STAG1: variants seen among roughly 807,000 people sequenced by gnomAD.
STAG1 encodes cohesin subunit SA-1.
A neutral mutation model predicts 170.9 loss-of-function variants in STAG1; 26 were observed. The ratio of observed to expected loss-of-function variants is 0.15; its 90% CI spans 0.11 to 0.21. The LOEUF is 0.21. STAG1 is among the 10% of genes least tolerant of loss of function. The pLI is 1.00. For missense variants in STAG1, 964 were observed against 1,509.5 expected, an observed-to-expected ratio of 0.64 and a Z score of 5.99; for synonymous variants, 514 against 497.7, an observed-to-expected ratio of 1.03 and a Z score of -0.44.
At chr3:136,742,856 T>C (rs1298838767) in intron 1 of STAG1, among the ~76,000 whole-genome samples, 1 of 152,146 alleles carries the variant, frequency 6.6e-6, no homozygotes, top group African/African-American at 2.4e-5. Flanking sequence ...TAGCAGTGCT[T>C]AGAGAAAAAT....
intron 5 of STAG1, among the ~76,000 whole-genome samples, chr3:136,553,157 C>T (rs1055093762): frequency 1.3e-5 from 2 of 151,956 alleles, no homozygotes; most frequent in African/African-American, 4.8e-5. Context: ...TTATAATTTA[C>T]AGAAATGAAC....
intron 21 of STAG1, among the ~76,000 whole-genome samples, chr3:136,409,915 T>C (rs1368761861): frequency 2.0e-5 from 3 of 150,660 alleles, no homozygotes; most frequent in Non-Finnish European, 3.0e-5. Context: ...CCCATCTCTA[T>C]GAAATATTTC....
At chr3:136,620,771 T>A (rs1939807236) in intron 3 of STAG1, among the ~76,000 whole-genome samples, 1 of 152,234 alleles carries the variant, frequency 6.6e-6, no homozygotes, top group South Asian at 2.1e-4. Context: ...TCTAGAATAC[T>A]ACTTTCTTAT....
chr3:136,623,823 C>T (rs981742118), intron 2 of STAG1, among the ~76,000 whole-genome samples: 1 of 151,986 alleles, frequency 6.6e-6, no homozygotes, highest in African/African-American at 2.4e-5. Context: ...GGCATGGTGG[C>T]GCATGCCTGT....
At chr3:136,587,745 A>T (rs1424837332) in intron 4 of STAG1, among the ~76,000 whole-genome samples, 1 of 152,172 alleles carries the variant, frequency 6.6e-6, no homozygotes, top group Non-Finnish European at 1.5e-5. Context: ...ACCTGAGGTC[A>T]GGAGGTGGAG....
intron 26 of STAG1, among the ~76,000 whole-genome samples, chr3:136,360,601 T>G (rs1017909504): frequency 6.6e-6 from 1 of 152,264 alleles, no homozygotes. Context: ...TGGCCTGAAC[T>G]ACTTGCTATG....
intron 32 of STAG1, among the ~76,000 whole-genome samples, chr3:136,338,990 A>C (rs6439638): frequency 0.36 from 55,306 of 152,118 alleles, 11,119 homozygotes; most frequent in African/African-American, 0.52. Context: ...CATGATGCTG[A>C]AGTCCTAATC....
chr3:136,671,183 C>A (rs1423752493), intron 1 of STAG1, among the ~76,000 whole-genome samples: 1 of 152,036 alleles, frequency 6.6e-6, no homozygotes, highest in Non-Finnish European at 1.5e-5. Flanking sequence ...ACTCGAGAGG[C>A]TAGCACAGGA....
intron 3 of STAG1, among the ~76,000 whole-genome samples, chr3:136,613,521 C>CT (rs962359771): frequency 1.2e-4 from 18 of 152,066 alleles, no homozygotes; most frequent in Non-Finnish European, 1.9e-4. Flanking sequence ...GAGTCTTACT[C>CT]TGTCACCCAG....
intron 2 of STAG1, among the ~76,000 whole-genome samples, chr3:136,628,391 G>A (rs1940196934): frequency 6.6e-6 from 1 of 152,110 alleles, no homozygotes; most frequent in Non-Finnish European, 1.5e-5. Context: ...TGACTTAGCA[G>A]GTACTGATAT....
chr3:136,542,112 G>A lies in STAG1; in HGVS notation c.471+7C>T, dbSNP rs780856115. 4.4e-6 allele frequency: 7 copies of A among 1,598,478 alleles called. No homozygotes were observed. In the African/African-American group the frequency reaches 9.4e-5, roughly 21 times the overall value. On this transcript the variant is annotated splice_region_variant and intron_variant, in intron 6 of 33. Transcript: ENST00000383202. ...AAGCAATTTGTATGAATATTGGAAT[G>A]CTATACCTCATCAAATTCTTCAGTC...
chr3:136,648,223 A>C (rs773205546), intron 1 of STAG1, among the ~76,000 whole-genome samples: 17 of 152,240 alleles, frequency 1.1e-4, no homozygotes, highest in Non-Finnish European at 2.2e-4. Flanking sequence ...TTTCAACTAG[A>C]CCATGGTTGT....
chr3:136,501,595 C>G lies in STAG1; in HGVS notation c.828+1033G>C, dbSNP rs552567070. On this transcript the variant is annotated intron_variant, in intron 8 of 33. Coordinates refer to ENST00000383202, the MANE Select transcript of STAG1 (RefSeq NM_005862.3). Reference sequence around the variant, plus strand: ...TTCCGAGCGAGGATGGCCCTGCCAACACCTTGATCTTGGAATTCTAGCCTG... The same window carrying G: ...TTCCGAGCGAGGATGGCCCTGCCAAGACCTTGATCTTGGAATTCTAGCCTG... 5.3e-5 allele frequency among the ~76,000 whole-genome samples: 8 copies of G among 152,292 alleles called. No homozygotes were observed. The South Asian group carries it at 1.7e-3, about 32-fold the overall frequency.
chr3:136,661,444 A>C (rs1278177830), intron 1 of STAG1, among the ~76,000 whole-genome samples: 1 of 152,230 alleles, frequency 6.6e-6, no homozygotes. Context: ...GTTGCAGTCA[A>C]AACAAAGGTG....
chr3:136,530,304 C>T (rs763876755), intron 6 of STAG1, among the ~76,000 whole-genome samples: 5 of 152,142 alleles, frequency 3.3e-5, no homozygotes, highest in Non-Finnish European at 7.4e-5. Context: ...TCTCAGCATT[C>T]GATCATCTAG....
intron 1 of STAG1, among the ~76,000 whole-genome samples, chr3:136,710,541 T>A (rs898283931): frequency 4.6e-5 from 7 of 152,146 alleles, no homozygotes; most frequent in Non-Finnish European, 8.8e-5. Context: ...GAATTTCAAG[T>A]CTTTTTACTT....
intron 2 of STAG1, among the ~76,000 whole-genome samples, chr3:136,629,211 GCCTA>G (rs1940226301): frequency 6.6e-6 from 1 of 151,972 alleles, no homozygotes; most frequent in Admixed American, 6.6e-5. Context: ...GCTATTAAAG[GCCTA>G]CCTAATACCC....
chr3:136,413,934 T>C (rs142904427), intron 21 of STAG1, among the ~76,000 whole-genome samples: 313 of 152,248 alleles, frequency 2.1e-3, no homozygotes, highest in African/African-American at 6.7e-3. Flanking sequence ...CACAAAACCT[T>C]TGGTTTCGCA....
At chr3:136,583,368 A>G (rs767369066) in intron 4 of STAG1, among the ~76,000 whole-genome samples, 5 of 152,178 alleles carry the variant, frequency 3.3e-5, no homozygotes, top group Admixed American at 6.5e-5. Flanking sequence ...TCAGAACCAC[A>G]TTAAGTCCAC....
Sources: gnomAD v4.1 joint callset for allele counts (sites outside exome capture counted in the v4.1 genomes callset) on GRCh38, gnomAD v4.1.1 for gene constraint, MANE v1.5 for transcripts, NCBI Gene and HGNC (gene_info 2026-07-23, HGNC 2026-07-21) for gene names.